Variants in EXOC6B observed in about 807,000 individuals in gnomAD.
EXOC6B encodes exocyst complex component 6B.
Under a neutral mutation model 113.5 loss-of-function variants are expected in EXOC6B, and 54 were observed. That is an observed-to-expected ratio of 0.48 (90% CI 0.38 to 0.60). The LOEUF is 0.60. Ranked by LOEUF, EXOC6B falls within the 20% of genes least tolerant of loss-of-function variation. EXOC6B has a pLI of 0.00. For synonymous variants in EXOC6B, 357 were observed against 339.0 expected (o/e 1.05, Z -0.58); for missense variants, 797 against 977.5 (o/e 0.82, Z 2.46).
chr2:72,192,759 T>C (rs1678926930), intron 20 of EXOC6B, among the ~76,000 whole-genome samples: 1 of 152,156 alleles, frequency 6.6e-6, no homozygotes, highest in South Asian at 2.1e-4. Context: ...ACAGGAACAC[T>C]GAGTCCTGTA....
chr2:72,441,649 C>T (rs987016199), intron 18 of EXOC6B, among the ~76,000 whole-genome samples: 9 of 152,022 alleles, frequency 5.9e-5, no homozygotes, highest in Non-Finnish European at 1.2e-4. Context: ...TAGAACTAAT[C>T]GATAAGTTTC....
intron 17 of EXOC6B, among the ~76,000 whole-genome samples, chr2:72,472,851 G>A (rs571889996): frequency 6.6e-6 from 1 of 152,058 alleles, no homozygotes; most frequent in Non-Finnish European, 1.5e-5. Flanking sequence ...TGCTTTTGTT[G>A]TGTCCCACAG....
chr2:72,476,101 A>G (rs189586505), intron 17 of EXOC6B, among the ~76,000 whole-genome samples: 2 of 152,246 alleles, frequency 1.3e-5, no homozygotes, highest in Non-Finnish European at 2.9e-5. Context: ...CCTTCCCTGG[A>G]CCAGTGCCAT....
intron 8 of EXOC6B, among the ~76,000 whole-genome samples, chr2:72,542,343 C>T (rs151326804): frequency 1.8e-4 from 28 of 152,180 alleles, no homozygotes; most frequent in African/African-American, 5.5e-4. Context: ...TAGGGACAGG[C>T]GAAGAGACTG....
chr2:72,521,106 G>C (rs1364892558), intron 8 of EXOC6B, among the ~76,000 whole-genome samples: 1 of 152,156 alleles, frequency 6.6e-6, no homozygotes, highest in Non-Finnish European at 1.5e-5. Flanking sequence ...TGAGGGTAGG[G>C]CCCTCATGAA....
At chr2:72,311,008 G>A (rs1214009850) in intron 20 of EXOC6B, among the ~76,000 whole-genome samples, 1 of 152,128 alleles carries the variant, frequency 6.6e-6, no homozygotes, top group Admixed American at 6.5e-5. Flanking sequence ...ACTCAGCTCT[G>A]TCTAAATGCA....
intron 6 of EXOC6B, among the ~76,000 whole-genome samples, chr2:72,623,167 TAAAA>T (rs1360995541): frequency 6.6e-6 from 1 of 152,086 alleles, no homozygotes; most frequent in South Asian, 2.1e-4. Context: ...TATATAGAAA[TAAAA>T]AAATCCATTA....
chr2:72,662,080 AG>A (rs931398568), intron 6 of EXOC6B, among the ~76,000 whole-genome samples: 4 of 91,740 alleles, frequency 4.4e-5, no homozygotes, highest in African/African-American at 1.7e-4. Context: ...GAGGAAAGGG[AG>A]GGGGAGGGAC....
chr2:72,401,668 T>A (rs1356562560), intron 18 of EXOC6B, among the ~76,000 whole-genome samples: 2 of 83,512 alleles, frequency 2.4e-5, no homozygotes, highest in Non-Finnish European at 4.3e-5. Flanking sequence ...TATATATATG[T>A]ATATATATAT....
At chr2:72,426,961 C>T (rs1695232541) in intron 18 of EXOC6B, among the ~76,000 whole-genome samples, 1 of 152,212 alleles carries the variant, frequency 6.6e-6, no homozygotes, top group Admixed American at 6.5e-5. Flanking sequence ...TGCTGCCACC[C>T]TCGTGCAGCC....
chr2:72,541,622 T>C (rs1294038990), intron 8 of EXOC6B, among the ~76,000 whole-genome samples: 2 of 152,240 alleles, frequency 1.3e-5, no homozygotes, highest in South Asian at 4.1e-4. Context: ...TGGATCTATG[T>C]CAACACACAT....
chr2:72,646,521 T>G (rs910142772), intron 6 of EXOC6B, among the ~76,000 whole-genome samples: 2 of 152,016 alleles, frequency 1.3e-5, no homozygotes, highest in African/African-American at 4.8e-5. Flanking sequence ...TAGACCAATA[T>G]CCCTGATGAA....
At chr2:72,622,400 G>C (rs942120323) in intron 6 of EXOC6B, among the ~76,000 whole-genome samples, 1 of 152,108 alleles carries the variant, frequency 6.6e-6, no homozygotes, top group African/African-American at 2.4e-5. Flanking sequence ...TGAAGTAAAA[G>C]AAAGTGAACA....
intron 18 of EXOC6B, among the ~76,000 whole-genome samples, chr2:72,411,179 T>TG (rs1187671082): frequency 6.6e-6 from 1 of 152,092 alleles, no homozygotes; most frequent in East Asian, 1.9e-4. Context: ...GCCACTGCAC[T>TG]CCAGCCTGGG....
chr2:72,763,955 T>A (rs928893635), intron 1 of EXOC6B, among the ~76,000 whole-genome samples: 3 of 151,906 alleles, frequency 2.0e-5, no homozygotes, highest in Non-Finnish European at 2.9e-5. Flanking sequence ...GTGGCATGCC[T>A]GTAGTACCAG....
At chr2:72,262,818 G>T (rs1683820581) in intron 20 of EXOC6B, among the ~76,000 whole-genome samples, 1 of 151,956 alleles carries the variant, frequency 6.6e-6, no homozygotes, top group Non-Finnish European at 1.5e-5. Context: ...TATACTTACT[G>T]CAAATCAATA....
chr2:72,717,972 A>G, intron 6 of EXOC6B, 131 bp downstream of exon 6: 1 of 620,232 alleles, frequency 1.6e-6, no homozygotes, highest in Non-Finnish European at 2.7e-6. Flanking sequence ...GTTTCCATAA[A>G]TATGAAGGAC....
At chr2:72,646,224 A>T (rs1173549673) in intron 6 of EXOC6B, among the ~76,000 whole-genome samples, 2 of 151,692 alleles carry the variant, frequency 1.3e-5, no homozygotes, top group Non-Finnish European at 1.5e-5. Context: ...ACACATACAC[A>T]CTCCCAAGAC....
chr2:72,246,896 A>G (rs1022648067), intron 20 of EXOC6B, among the ~76,000 whole-genome samples: 23 of 152,172 alleles, frequency 1.5e-4, no homozygotes, highest in African/African-American at 5.5e-4. Flanking sequence ...TCCATTTTAA[A>G]TCTATAAAGG....
Sources: allele counts gnomAD v4.1 joint callset (sites outside exome capture counted in the v4.1 genomes callset), GRCh38; gene constraint gnomAD v4.1.1; transcripts MANE v1.5; gene names NCBI Gene and HGNC (gene_info 2026-07-23, HGNC 2026-07-21).